NIPAL3: variants seen among roughly 807,000 people sequenced by gnomAD.
NIPAL3 encodes the protein NIPA like domain containing 3.
Under a neutral mutation model 47.2 loss-of-function variants are expected in NIPAL3, and 41 were observed. That is an observed-to-expected ratio of 0.87 (90% CI 0.68 to 1.13). The LOEUF (loss-of-function observed/expected upper bound fraction) is 1.13, where lower values mean the gene tolerates loss of function less well. Ranked by LOEUF, NIPAL3 falls within the 50% of genes most tolerant of loss-of-function variation. The pLI, the probability that NIPAL3 is intolerant of heterozygous loss-of-function variation, is 0.00. For missense variants in NIPAL3, 449 were observed against 530.1 expected (o/e 0.85, Z 1.50); for synonymous variants, 194 against 209.6 (o/e 0.93, Z 0.64).
chr1:24,437,814 T>C (rs749975530), intron 2 of NIPAL3, among the ~76,000 whole-genome samples: 17 of 152,104 alleles, frequency 1.1e-4, no homozygotes, highest in Non-Finnish European at 2.1e-4. Flanking sequence ...ACAGTTCCAA[T>C]AAGACCGTGT....
rs191497870 is a variant in NIPAL3, at chr1:24,427,278, G to A, written c.93+7638G>A. Among the ~76,000 whole-genome samples, 106 of 152,298 alleles carry A rather than the reference G, an allele frequency of 7.0e-4. 1 individual carries two copies. The Middle Eastern group carries it at 0.01, about 15-fold the overall frequency. ...TATGCCAGGCACTGCAGGGTGCCTC[G>A]TAGGTGTGTGTACAAGCAGTGTAGC... On this transcript the variant is annotated intron_variant, in intron 2 of 11. Coordinates refer to ENST00000374399, the MANE Select transcript of NIPAL3 (RefSeq NM_020448.5).
chr1:24,429,681 A>T (rs901853959), intron 2 of NIPAL3, among the ~76,000 whole-genome samples: 2 of 152,192 alleles, frequency 1.3e-5, no homozygotes, highest in Non-Finnish European at 2.9e-5. Flanking sequence ...GGCTACAGAT[A>T]GGTGCTTGCT....
In NIPAL3 at chr1:24,449,081, A is replaced by G. The variant is rs34547974; in HGVS notation, c.395-400A>G. The stretch of plus-strand genomic sequence containing the variant: ...GTCCATTTGTATAAAGCACAAAGCT[A>G]GGCAAAGCCATCAGTGCTGTTACAG... On this transcript the variant is annotated intron_variant, in intron 5 of 11. Transcript: ENST00000374399. This position sits in a 1 kb window ranked among gnomAD's most constrained non-coding sequence, Gnocchi z 4.5. 6.3e-3 allele frequency among the ~76,000 whole-genome samples: 966 copies of G among 152,348 alleles called. 5 individuals are homozygous for G. Among genetic ancestry groups the G allele is most frequent in the Non-Finnish European group, 0.011 (751 of 68,028 alleles).
intron 2 of NIPAL3, among the ~76,000 whole-genome samples, chr1:24,428,258 AAGAGAGAGAGAGAGAGAGAGAGAGAG>A (rs56082168): frequency 1.2e-4 from 14 of 119,556 alleles, no homozygotes; most frequent in African/African-American, 3.5e-4. Context: ...CTCAAAAAGA[AAGAGAGAGAGAGAGAGAGAGAGAGAG>A]AGAGAGAGAG....
intron 9 of NIPAL3, 132 bp from the exon 10 acceptor site, chr1:24,460,349 G>T: frequency 1.4e-6 from 1 of 711,048 alleles, no homozygotes; most frequent in Middle Eastern, 2.4e-4. Context: ...CTTTCTTCTT[G>T]TAAGGCACAG....
At position 24,460,515 on chromosome 1, in the gene NIPAL3, C is replaced by T. The variant is rs760721329; in HGVS notation, c.897C>T (p.Asp299=). 1.4e-5 allele frequency: 22 copies of T among 1,584,450 alleles called. No individual in the cohort carries two copies. The highest frequency in any genetic ancestry group is 1.7e-4 in the Middle Eastern group (1 of 6,024). The change falls in exon 10 of 12, where the codon GAC becomes GAT. Residue 299 remains aspartate (D), a synonymous_variant. Transcript: ENST00000374399. ...AIFYLDFIGE[D]VLHICMFALG... ...TTTACCTGGACTTCATCGGGGAGGA[C>T]GTGCTGCACATCTGCATGTTTGCAC... is the stretch of plus-strand genomic sequence containing the variant.
At position 24,419,354 on chromosome 1, in the gene NIPAL3, A is replaced by G; in HGVS notation, c.-194A>G. 7.8e-7 allele frequency: 1 copy of G among 1,284,018 alleles called. No individual in the cohort carries two copies. The highest frequency in any genetic ancestry group is 4.2e-5 in the Admixed American group (1 of 23,952). The allele number at this position is 1,284,018 out of a possible 1,614,324, so 79.5% of individuals were successfully genotyped here. A position where few individuals can be genotyped will look rare whatever the true frequency, so the allele number is the denominator to read the frequency against. On this transcript the variant is annotated 5_prime_UTR_variant, in exon 2 of 12. Transcript: ENST00000374399. ...GCCTGGGAGAGCCACGGAAATTGGC[A>G]CTTCTCTGAGTGAAGCTGAGGAGAA...
At chr1:24,438,767 G>A (rs74060351) in intron 2 of NIPAL3, among the ~76,000 whole-genome samples, 4 of 152,246 alleles carry the variant, frequency 2.6e-5, no homozygotes, top group Non-Finnish European at 5.9e-5. Flanking sequence ...GGAACCAGGC[G>A]GGGTTGGGAA....
chr1:24,438,491 C>G (rs910899794), intron 2 of NIPAL3, among the ~76,000 whole-genome samples: 1 of 152,342 alleles, frequency 6.6e-6, no homozygotes, highest in African/African-American at 2.4e-5. Context: ...GGCCAACTGC[C>G]CCTTCTCAGG....
chr1:24,457,811 G>A (rs1193151696), intron 8 of NIPAL3: 1 of 533,376 alleles, frequency 1.9e-6, no homozygotes, highest in Non-Finnish European at 3.8e-6. Flanking sequence ...GCTCTTATGA[G>A]AATGTCTCTA....
chr1:24,419,658 G>A lies in NIPAL3; in HGVS notation c.93+18G>A, dbSNP rs773570339. The A allele has an allele frequency of 3.4e-5, 54 of 1,609,622 alleles. No homozygotes were observed. In the East Asian group the frequency reaches 4.2e-4, roughly 13 times the overall value. ...CCTACAAGGCAAGGGCTTTTTTGGG[G>A]TTTGGGAATTTGTATTTTCCTAGCA... On this transcript the variant is annotated intron_variant, in intron 2 of 11. Transcript: ENST00000374399.
At position 24,450,465 on chromosome 1, in the gene NIPAL3, T is replaced by TG. The variant is rs1210955441; in HGVS notation, c.540+839_540+840insG. Reference sequence around the variant, plus strand: ...TCCTAACCCCTCCGCCAGAGCTCAGTCCTCTGCCCCAGTTCTATCCCATTT... The same window carrying TG: ...TCCTAACCCCTCCGCCAGAGCTCAGTGCCTCTGCCCCAGTTCTATCCCATTT... On this transcript the variant is annotated intron_variant, in intron 6 of 11. Coordinates refer to ENST00000374399, the MANE Select transcript of NIPAL3 (RefSeq NM_020448.5). Among the ~76,000 whole-genome samples the TG allele has an allele frequency of 5.8e-4, 89 of 152,302 alleles. No individual in the cohort carries two copies. The East Asian group carries it at 0.016, about 27-fold the overall frequency.
At chr1:24,436,309 T>A (rs533227843) in intron 2 of NIPAL3, among the ~76,000 whole-genome samples, 8 of 152,154 alleles carry the variant, frequency 5.3e-5, no homozygotes, top group East Asian at 3.9e-4. Flanking sequence ...GTTTTTTTTT[T>A]ACCCTGCTCC....
chr1:24,465,823 T>C, intron 11 of NIPAL3: 1 of 829,888 alleles, frequency 1.2e-6, no homozygotes, highest in Non-Finnish European at 1.7e-6. Context: ...TGCCTGGTTA[T>C]ATTTGGTTTC....
intron 11 of NIPAL3, chr1:24,466,229 GACA>G: frequency 1.3e-6 from 1 of 753,130 alleles, no homozygotes; most frequent in Non-Finnish European, 2.1e-6. Context: ...ATCAGCAGCA[GACA>G]AGGCCACTCT....
At chr1:24,423,826 G>A (rs1355929153) in intron 2 of NIPAL3, among the ~76,000 whole-genome samples, 3 of 152,172 alleles carry the variant, frequency 2.0e-5, no homozygotes, top group Admixed American at 6.5e-5. Flanking sequence ...TGTCTGGTAC[G>A]TAGCCCTGGG....
rs918053760 is a variant in NIPAL3, at chr1:24,454,913, T to C, written c.638-1225T>C. The C allele has an allele frequency of 6.6e-6, 1 of 152,212 alleles. No homozygotes were observed. The highest frequency in any genetic ancestry group is 6.5e-5 in the Admixed American group (1 of 15,276). The allele number at this position is 152,212 out of a possible 1,614,324, so 9.4% of individuals were successfully genotyped here. A position where few individuals can be genotyped will look rare whatever the true frequency, so the allele number is the denominator to read the frequency against. ...AGTCCTTCATTCCTCGGTGACTTTG[T>C]TTTCAAAGTGGATGGGAAGGATCAC... On this transcript the variant is annotated intron_variant, in intron 7 of 11. Coordinates refer to ENST00000374399, the MANE Select transcript of NIPAL3 (RefSeq NM_020448.5). The surrounding 1 kb of genome is among the most constrained non-coding windows in gnomAD (Gnocchi z 4.1).
intron 11 of NIPAL3, among the ~76,000 whole-genome samples, chr1:24,467,136 G>C (rs1216350172): frequency 6.6e-6 from 1 of 152,134 alleles, no homozygotes; most frequent in African/African-American, 2.4e-5. Flanking sequence ...TTAAGTGCAG[G>C]TATATAGGGA....
rs1238970271 is a variant in NIPAL3 at position 24,470,745 on chromosome 1, G to A, written c.*1560G>A. ...ATGGATTGTGCTTAATACTGATTTA[G>A]TATCTTGACTCCAAAAACTGACATC... On this transcript the variant is annotated 3_prime_UTR_variant, in exon 12 of 12. Coordinates refer to ENST00000374399, the MANE Select transcript of NIPAL3 (RefSeq NM_020448.5). The A allele has an allele frequency of 6.6e-6, 1 of 152,188 alleles. No homozygotes were observed. The highest frequency in any genetic ancestry group is 1.5e-5 in the Non-Finnish European group (1 of 68,028). The allele number at this position is 152,188 out of a possible 1,614,324, so 9.4% of individuals were successfully genotyped here.
Sources: allele counts gnomAD v4.1 joint callset (sites outside exome capture counted in the v4.1 genomes callset), GRCh38; gene constraint gnomAD v4.1.1; non-coding constraint Gnocchi (gnomAD v3.1); transcripts MANE v1.5; gene names NCBI Gene and HGNC (gene_info 2026-07-23, HGNC 2026-07-21).